Variants in PTPRM observed in about 807,000 individuals in gnomAD.
The protein encoded by PTPRM is receptor-type tyrosine-protein phosphatase mu.
In PTPRM, 47 loss-of-function variants were observed where a neutral mutation model predicts 186.7. The ratio of observed to expected loss-of-function variants is 0.25; its 90% CI spans 0.20 to 0.32. The LOEUF (loss-of-function observed/expected upper bound fraction) is 0.32. Ranked by LOEUF, PTPRM falls within the 10% of genes least tolerant of loss-of-function variation. The pLI is 1.00. For synonymous variants in PTPRM, 668 were observed against 674.9 expected, an observed-to-expected ratio of 0.99 and a Z score of 0.16; for missense variants, 1,494 against 1,865.0, an observed-to-expected ratio of 0.80 and a Z score of 3.66.
intron 13 of PTPRM, among the ~76,000 whole-genome samples, chr18:8,119,067 A>G (rs1201868167): frequency 1.3e-5 from 2 of 151,954 alleles, no homozygotes; most frequent in Non-Finnish European, 2.9e-5. Flanking sequence ...AAAACAAAGC[A>G]TTTTTCAATG....
intron 7 of PTPRM, among the ~76,000 whole-genome samples, chr18:8,035,545 AT>A (rs2086267260): frequency 6.6e-6 from 1 of 152,098 alleles, no homozygotes; most frequent in Admixed American, 6.5e-5. Flanking sequence ...TTCTTATACT[AT>A]ATTATTTTTT....
At chr18:8,373,893 A>G (rs1177008976) in intron 24 of PTPRM, among the ~76,000 whole-genome samples, 1 of 152,130 alleles carries the variant, frequency 6.6e-6, no homozygotes, top group Non-Finnish European at 1.5e-5. Context: ...TCGGAAAAAA[A>G]AAAAAAAAAT....
chr18:8,289,575 T>TATATATATAC (rs1555845744), intron 19 of PTPRM, among the ~76,000 whole-genome samples: 3 of 109,210 alleles, frequency 2.7e-5, no homozygotes, highest in African/African-American at 1.4e-4. Context: ...TATATATATA[T>TATATATATAC]ACATATATAT....
At chr18:8,252,995 C>T (rs1489008148) in intron 18 of PTPRM, among the ~76,000 whole-genome samples, 2 of 152,188 alleles carry the variant, frequency 1.3e-5, no homozygotes, top group African/African-American at 4.8e-5. Context: ...TTTGTGAAAG[C>T]AATATATCGT....
chr18:7,643,184 G>A (rs1024667937), intron 1 of PTPRM, among the ~76,000 whole-genome samples: 1 of 151,996 alleles, frequency 6.6e-6, no homozygotes, highest in Non-Finnish European at 1.5e-5. Context: ...TATTGGCTGG[G>A]TGCTCTCTTT....
intron 7 of PTPRM, among the ~76,000 whole-genome samples, chr18:7,961,996 A>AG (rs35465098): frequency 0.32 from 49,188 of 151,870 alleles, 8,734 homozygotes; most frequent in East Asian, 0.44. Flanking sequence ...AATAGCTATC[A>AG]TATCTGCAGT....
intron 2 of PTPRM, among the ~76,000 whole-genome samples, chr18:7,826,482 A>C (rs1044375794): frequency 6.6e-6 from 1 of 152,240 alleles, no homozygotes; most frequent in African/African-American, 2.4e-5. Flanking sequence ...TTAAATTTGA[A>C]AATGTGAACT....
intron 20 of PTPRM, among the ~76,000 whole-genome samples, chr18:8,305,935 T>C (rs1259568432): frequency 6.6e-6 from 1 of 152,060 alleles, no homozygotes; most frequent in Non-Finnish European, 1.5e-5. Flanking sequence ...TTCACCCTTG[T>C]TGCCCAGGCT....
At chr18:7,942,300 T>A (rs961808458) in intron 5 of PTPRM, among the ~76,000 whole-genome samples, 4 of 141,460 alleles carry the variant, frequency 2.8e-5, no homozygotes, top group East Asian at 2.0e-4. Context: ...AAAAAAAAAA[T>A]ATTTAATACA....
At chr18:7,717,692 T>A (rs1005945291) in intron 1 of PTPRM, among the ~76,000 whole-genome samples, 1 of 152,206 alleles carries the variant, frequency 6.6e-6, no homozygotes, top group African/African-American at 2.4e-5. Flanking sequence ...CACTGAAGCC[T>A]CTGGGGCTTC....
At position 7,937,581 on chromosome 18, in the gene PTPRM, G is replaced by A. The variant is rs1258702905; in HGVS notation, c.663+10898G>A. Reference sequence around the variant, plus strand: ...CAAGCCAAGTGGGCCCGCTGGGCCCGAGCAAAACTCAGGTAAAGGTGCCAC... The same window carrying A: ...CAAGCCAAGTGGGCCCGCTGGGCCCAAGCAAAACTCAGGTAAAGGTGCCAC... On this transcript the variant is annotated intron_variant, in intron 5 of 32. Coordinates refer to ENST00000580170, the MANE Select transcript of PTPRM (RefSeq NM_001105244.2). Among the ~76,000 whole-genome samples the A allele has an allele frequency of 3.3e-5, 5 of 152,326 alleles. 1 individual carries two copies. The highest frequency in any genetic ancestry group is 6.8e-3 in the Middle Eastern group (2 of 294).
intron 2 of PTPRM, among the ~76,000 whole-genome samples, chr18:7,874,765 A>T (rs967906612): frequency 6.6e-6 from 1 of 152,244 alleles, no homozygotes; most frequent in African/African-American, 2.4e-5. Context: ...ATCTGTTTCT[A>T]GACCACCTAC....
chr18:8,248,122 G>C (rs373052708), intron 16 of PTPRM, 28 bp from the exon 17 acceptor site: 152 of 1,524,226 alleles, frequency 1.0e-4, no homozygotes, highest in Non-Finnish European at 1.3e-4. Flanking sequence ...TACTTTCTCT[G>C]CATTGACCTG....
intron 2 of PTPRM, among the ~76,000 whole-genome samples, chr18:7,887,262 C>G (rs2048835886): frequency 6.6e-6 from 1 of 152,114 alleles, no homozygotes; most frequent in Non-Finnish European, 1.5e-5. Flanking sequence ...GGGGAAGGCT[C>G]AAGTGCTTGG....
intron 3 of PTPRM, among the ~76,000 whole-genome samples, chr18:7,898,540 C>A (rs1281292543): frequency 2.0e-5 from 3 of 152,120 alleles, no homozygotes; most frequent in Non-Finnish European, 4.4e-5. Context: ...GGCCAGTATC[C>A]AGGATGGATT....
chr18:8,376,867 C>T, intron 26 of PTPRM: 1 of 365,220 alleles, frequency 2.7e-6, no homozygotes, highest in East Asian at 5.6e-5. Context: ...AAAAAAGTCT[C>T]TGTTAAGTGC....
intron 14 of PTPRM, among the ~76,000 whole-genome samples, chr18:8,211,341 T>C (rs1004479500): frequency 2.7e-5 from 4 of 149,256 alleles, no homozygotes; most frequent in African/African-American, 9.9e-5. Context: ...GTGGAGAACC[T>C]TGGGGAATTG....
intron 8 of PTPRM, among the ~76,000 whole-genome samples, chr18:8,073,080 T>C (rs2089590051): frequency 6.6e-6 from 1 of 152,156 alleles, no homozygotes; most frequent in African/African-American, 2.4e-5. Context: ...TTTGAATACC[T>C]CCTGTGTCAT....
intron 13 of PTPRM, among the ~76,000 whole-genome samples, chr18:8,116,948 C>T (rs1250268940): frequency 1.3e-5 from 2 of 152,178 alleles, no homozygotes; most frequent in Non-Finnish European, 2.9e-5. Flanking sequence ...TTAATATTTC[C>T]TGCATAACAT....
Sources: allele counts gnomAD v4.1 joint callset (sites outside exome capture counted in the v4.1 genomes callset), GRCh38; gene constraint gnomAD v4.1.1; transcripts MANE v1.5; gene names NCBI Gene and HGNC (gene_info 2026-07-23, HGNC 2026-07-21).